PCDHB9: variants seen among roughly 807,000 people sequenced by gnomAD.
PCDHB9 encodes the protein protocadherin beta 9.
For missense variants in PCDHB9, 1,072 were observed against 995.1 expected, an observed-to-expected ratio of 1.08 and a Z score of -1.04; for synonymous variants, 501 against 439.7, an observed-to-expected ratio of 1.14 and a Z score of -1.75.
rs1242583274 is a variant in PCDHB9, at chr5:141,189,145, C to T, written c.1827C>T (p.Ala609=). The T allele has an allele frequency of 6.2e-7, 1 of 1,601,190 alleles. No individual in the cohort carries two copies. The highest frequency in any genetic ancestry group is 8.5e-7 in the Non-Finnish European group (1 of 1,178,866). Residue 609 remains alanine, a synonymous_variant, in exon 1 of 1, where the codon GCC becomes GCT. Transcript: ENST00000316105. ...NAWLSYQLLK[A]TEPGLFGVWA... is the part of the protein sequence containing the mutation. ...GGCTGTCGTACCAGCTGCTCAAGGC[C>T]ACGGAGCCCGGGCTGTTCGGTGTGT...
Position 141,188,274 on chromosome 5 carries a change from T to C in PCDHB9, c.956T>C (p.Ile319Thr). 2 of 1,614,102 alleles carry C rather than the reference T, an allele frequency of 1.2e-6. No individual in the cohort carries two copies. The highest frequency in any genetic ancestry group is 8.5e-7 in the Non-Finnish European group (1 of 1,180,002). The part of the protein sequence containing the change: ...YELVNSYKIN[I>T]QAMDGGGLSA... ...TTAGTAAATTCTTACAAAATAAATA[T>C]ACAGGCAATGGACGGCGGAGGCCTT... is the stretch of plus-strand genomic sequence containing the variant. The change falls in exon 1 of 1, where the codon ATA (isoleucine) becomes ACA (threonine). Residue 319 changes from isoleucine (I) to threonine (T), a missense_variant. Transcript: ENST00000316105.
Position 141,188,570 on chromosome 5 carries a change from A to G in PCDHB9, c.1252A>G (p.Asn418Asp). The G allele has an allele frequency of 1.2e-6, 2 of 1,614,212 alleles. No individual in the cohort carries two copies. The highest frequency in any genetic ancestry group is 1.7e-6 in the Non-Finnish European group (2 of 1,180,034). ...GGACAGAGAGAGCAAAGCTGAGTAC[A>G]ACATCACCATCACCGTCACTGACTT... ...ALDRESKAEY[N>D]ITITVTDLGT... The change falls in exon 1 of 1, where the codon AAC becomes GAC. Residue 418 changes from asparagine to aspartate, a missense_variant. Transcript: ENST00000316105.
chr5:141,188,808 A>G lies in PCDHB9; in HGVS notation c.1490A>G (p.His497Arg). Reference protein sequence around the residue: ...TYSLLPPQDPHLPLASLVSIN... With the variant: ...TYSLLPPQDPRLPLASLVSIN... ...TCGCTGCTGCCGCCCCAGGACCCAC[A>G]CCTGCCCCTCGCCTCCCTGGTCTCC... The change falls in exon 1 of 1, where the codon CAC (histidine) becomes CGC (arginine). Residue 497 changes from histidine to arginine, a missense_variant. By Grantham distance (29) the His-to-Arg change is conservative. Transcript: ENST00000316105. The G allele has an allele frequency of 6.2e-7, 1 of 1,612,790 alleles. No individual in the cohort carries two copies. Among genetic ancestry groups the G allele is most frequent in the Non-Finnish European group, 8.5e-7 (1 of 1,179,992 alleles).
chr5:141,189,669 AG>A lies in PCDHB9; in HGVS notation c.2353del (p.Glu785LysfsTer33). ...CCCCATAGGGGTGGGAAAGAAATAG[AG>A]GAAAATTCTACTCTCCCCAATAGCT... is the stretch of plus-strand genomic sequence containing the variant. ...LPPHRGGKEI[E>X]ENSTLPNSFG... On this transcript the variant is annotated frameshift_variant, in exon 1 of 1. Transcript: ENST00000316105. LOFTEE classifies it low-confidence loss of function (END_TRUNC). The A allele has an allele frequency of 1.2e-6, 2 of 1,611,722 alleles. No individual in the cohort carries two copies. Among genetic ancestry groups the A allele is most frequent in the East Asian group, 4.5e-5 (2 of 44,850 alleles).
At position 141,189,441 on chromosome 5, in the gene PCDHB9, T is replaced by C; in HGVS notation, c.2123T>C (p.Phe708Ser). The C allele has an allele frequency of 1.2e-6, 2 of 1,612,192 alleles. No homozygotes were observed. ...SSLFLLSVLL[F>S]VAVRLCRRSR... The stretch of plus-strand genomic sequence containing the variant: ...CTCTTCCTCCTCTCGGTGCTCCTGT[T>C]CGTGGCGGTGCGGCTGTGCAGGAGG... Residue 708 changes from phenylalanine (F) to serine (S), a missense_variant, in exon 1 of 1, where the codon TTC becomes TCC. Coordinates refer to ENST00000316105, the MANE Select transcript of PCDHB9 (RefSeq NM_019119.5).
In PCDHB9 at chr5:141,187,391, T is replaced by C. The variant is rs2149664269; in HGVS notation, c.73T>C (p.Leu25=). The C allele has an allele frequency of 6.2e-7, 1 of 1,614,160 alleles. No homozygotes were observed. The highest frequency in any genetic ancestry group is 2.2e-5 in the East Asian group (1 of 44,884). Reference sequence around the variant, plus strand: ...TCTTTTTCTTTTCTGGGGAGTGTCCTTGGCAGGTTCTGGGTTTGGACGTTA... The same window carrying C: ...TCTTTTTCTTTTCTGGGGAGTGTCCCTGGCAGGTTCTGGGTTTGGACGTTA... ...LFLFLFWGVS[L]AGSGFGRYSV... is the part of the protein sequence containing the mutation. The change falls in exon 1 of 1, where the codon TTG becomes CTG. Residue 25 remains leucine, a synonymous_variant. Transcript: ENST00000316105.
Position 141,188,488 on chromosome 5 carries a change from T to G in PCDHB9, c.1170T>G (p.Pro390=). The change falls in exon 1 of 1, where the codon CCT becomes CCG. Residue 390 remains proline (P), a synonymous_variant. Coordinates refer to ENST00000316105, the MANE Select transcript of PCDHB9 (RefSeq NM_019119.5). ...TTTGCTATGTTCAAGATAATCTGCC[T>G]TTTTTTCTGAAACCGTCTGTTGACA... ...KTICYVQDNL[P]FFLKPSVDNF... is the part of the protein sequence containing the mutation. 6.2e-7 allele frequency: 1 copy of G among 1,613,068 alleles called. No homozygotes were observed. Among genetic ancestry groups the G allele is most frequent in the Non-Finnish European group, 8.5e-7 (1 of 1,179,168 alleles).
At position 141,189,660 on chromosome 5, in the gene PCDHB9, A is replaced by G; in HGVS notation, c.2342A>G (p.Lys781Arg). ...CACCTCCCGCCCCATAGGGGTGGGA[A>G]AGAAATAGAGGAAAATTCTACTCTC... ...TPHLPPHRGG[K>R]EIEENSTLPN... The change falls in exon 1 of 1, where the codon AAA (lysine) becomes AGA (arginine). Residue 781 changes from lysine to arginine, a missense_variant. Physicochemically the swap from Lys to Arg is conservative, Grantham distance 26 (BLOSUM62 2). Coordinates refer to ENST00000316105, the MANE Select transcript of PCDHB9 (RefSeq NM_019119.5). 6.2e-7 allele frequency: 1 copy of G among 1,612,858 alleles called. No homozygotes were observed. Among genetic ancestry groups the G allele is most frequent in the Non-Finnish European group, 8.5e-7 (1 of 1,179,450 alleles).
At position 141,187,361 on chromosome 5, in the gene PCDHB9, C is replaced by T; in HGVS notation, c.43C>T (p.Leu15=). The T allele has an allele frequency of 5.0e-6, 8 of 1,614,146 alleles. No homozygotes were observed. Among genetic ancestry groups the T allele is most frequent in the Non-Finnish European group, 6.8e-6 (8 of 1,180,034 alleles). Reference sequence around the variant, plus strand: ...CAGCTTTCCAAGACAAAGGCAAGTCCTGTTTCTTTTTCTTTTCTGGGGAGT... The same window carrying T: ...CAGCTTTCCAAGACAAAGGCAAGTCTTGTTTCTTTTTCTTTTCTGGGGAGT... The part of the protein sequence containing the change: ...GFSFPRQRQV[L]FLFLFWGVSL... Residue 15 remains leucine, a synonymous_variant, in exon 1 of 1, where the codon CTG becomes TTG. Transcript: ENST00000316105.
rs542462731 is a variant in PCDHB9, at chr5:141,189,505, G to T, written c.2187G>T (p.Glu729Asp). ...AASVGRCSVP[E>D]GPFPGHLVDV... The stretch of plus-strand genomic sequence containing the variant: ...CGGTGGGTCGCTGCTCGGTGCCCGA[G>T]GGTCCTTTTCCAGGGCATCTGGTGG... The change falls in exon 1 of 1, where the codon GAG (glutamate) becomes GAT (aspartate). Residue 729 changes from glutamate to aspartate, a missense_variant. Physicochemically the swap from Glu to Asp is conservative, Grantham distance 45. Transcript: ENST00000316105. The T allele has an allele frequency of 1.2e-6, 2 of 1,613,852 alleles. No homozygotes were observed. Among genetic ancestry groups the T allele is most frequent in the African/African-American group, 2.7e-5 (2 of 74,906 alleles).
rs367586659 is a variant in PCDHB9, at chr5:141,188,121, A to G, written c.803A>G (p.Asp268Gly). The change falls in exon 1 of 1, where the codon GAT becomes GGT. Residue 268 changes from aspartate (D) to glycine (G), a missense_variant. Transcript: ENST00000316105. ...CTTATTGTTAAAGTGTCTGCAGGAG[A>G]TGCAGACTCAGGAGTCAATGCAGAA... ...GSLIVKVSAG[D>G]ADSGVNAEVS... is the part of the protein sequence containing the mutation. 7.4e-6 allele frequency: 12 copies of G among 1,612,914 alleles called. No individual in the cohort carries two copies. The highest frequency in any genetic ancestry group is 1.0e-5 in the Non-Finnish European group (12 of 1,179,340).
chr5:141,189,656 G>C lies in PCDHB9; in HGVS notation c.2338G>C (p.Gly780Arg). ...ITPHLPPHRG[G>R]KEIEENSTLP... ...CCCCCACCTCCCGCCCCATAGGGGTGGGAAAGAAATAGAGGAAAATTCTAC... is the reference window on the plus strand; with the variant it reads ...CCCCCACCTCCCGCCCCATAGGGGTCGGAAAGAAATAGAGGAAAATTCTAC... The change falls in exon 1 of 1, where the codon GGG becomes CGG. Residue 780 changes from glycine (G) to arginine (R), a missense_variant. By Grantham distance (125) the Gly-to-Arg change is moderately radical. Coordinates refer to ENST00000316105, the MANE Select transcript of PCDHB9 (RefSeq NM_019119.5). The C allele has an allele frequency of 6.2e-7, 1 of 1,613,338 alleles. No homozygotes were observed. Among genetic ancestry groups the C allele is most frequent in the Non-Finnish European group, 8.5e-7 (1 of 1,179,642 alleles).
chr5:141,187,897 G>A lies in PCDHB9; in HGVS notation c.579G>A (p.Glu193=), dbSNP rs1176773646. The change falls in exon 1 of 1, where the codon GAG becomes GAA. Residue 193 remains glutamate, a synonymous_variant. Coordinates refer to ENST00000316105, the MANE Select transcript of PCDHB9 (RefSeq NM_019119.5). ...SGSDEGMIYP[E]LVLDKALDRE... ...GTGATGAAGGCATGATATATCCAGA[G>A]CTAGTGTTGGACAAAGCACTGGATC... is the stretch of plus-strand genomic sequence containing the variant. The A allele has an allele frequency of 4.3e-6, 7 of 1,614,158 alleles. No homozygotes were observed. Among genetic ancestry groups the A allele is most frequent in the Non-Finnish European group, 5.9e-6 (7 of 1,180,032 alleles).
Position 141,189,434 on chromosome 5 carries a change from C to T in PCDHB9, c.2116C>T (p.Leu706Phe), listed in dbSNP as rs373258602. The T allele has an allele frequency of 3.7e-6, 6 of 1,611,918 alleles. No homozygotes were observed. The highest frequency in any genetic ancestry group is 2.7e-5 in the African/African-American group (2 of 74,864). ...GTCTTCGCTCTTCCTCCTCTCGGTG[C>T]TCCTGTTCGTGGCGGTGCGGCTGTG... Reference protein sequence around the residue: ...SVSSLFLLSVLLFVAVRLCRR... With the variant: ...SVSSLFLLSVFLFVAVRLCRR... The change falls in exon 1 of 1, where the codon CTC (leucine) becomes TTC (phenylalanine). Residue 706 changes from leucine (L) to phenylalanine (F), a missense_variant. Coordinates refer to ENST00000316105, the MANE Select transcript of PCDHB9 (RefSeq NM_019119.5).
chr5:141,187,913 G>C lies in PCDHB9; in HGVS notation c.595G>C (p.Ala199Pro). Residue 199 changes from alanine to proline, a missense_variant, in exon 1 of 1, where the codon GCA becomes CCA. Physicochemically the swap from Ala to Pro is conservative, Grantham distance 27. Coordinates refer to ENST00000316105, the MANE Select transcript of PCDHB9 (RefSeq NM_019119.5). ...ATATCCAGAGCTAGTGTTGGACAAA[G>C]CACTGGATCGGGAGGAGCAGGAAGA... ...MIYPELVLDK[A>P]LDREEQEELS... 1 of 1,614,166 alleles carries C rather than the reference G, an allele frequency of 6.2e-7. No homozygotes were observed. The highest frequency in any genetic ancestry group is 8.5e-7 in the Non-Finnish European group (1 of 1,180,024).
chr5:141,188,714 C>T lies in PCDHB9; in HGVS notation c.1396C>T (p.Pro466Ser), dbSNP rs782488130. 1 of 1,613,736 alleles carries T rather than the reference C, an allele frequency of 6.2e-7. No homozygotes were observed. The highest frequency in any genetic ancestry group is 8.5e-7 in the Non-Finnish European group (1 of 1,180,036). ...CCTGTTCGTCCGGGAGAACAACAGC[C>T]CCGCCCTGCACATCGGCAGTGTCAG... The part of the protein sequence containing the change: ...YTLFVRENNS[P>S]ALHIGSVSAT... Residue 466 changes from proline to serine, a missense_variant, in exon 1 of 1, where the codon CCC becomes TCC. Physicochemically the swap from Pro to Ser is moderately conservative, Grantham distance 74. Transcript: ENST00000316105.
At position 141,188,156 on chromosome 5, in the gene PCDHB9, T is replaced by C; in HGVS notation, c.838T>C (p.Ser280Pro). ...DSGVNAEVSY[S>P]FFDASEDILT... ...AGGAGTCAATGCAGAAGTATCCTATTCATTTTTTGATGCTTCTGAAGATAT... is the reference window on the plus strand; with the variant it reads ...AGGAGTCAATGCAGAAGTATCCTATCCATTTTTTGATGCTTCTGAAGATAT... The change falls in exon 1 of 1, where the codon TCA (serine) becomes CCA (proline). Residue 280 changes from serine to proline, a missense_variant. Physicochemically the swap from Ser to Pro is moderately conservative, Grantham distance 74. Coordinates refer to ENST00000316105, the MANE Select transcript of PCDHB9 (RefSeq NM_019119.5). 6.2e-7 allele frequency: 1 copy of C among 1,611,078 alleles called. No individual in the cohort carries two copies. Among genetic ancestry groups the C allele is most frequent in the South Asian group, 1.1e-5 (1 of 90,782 alleles).
rs1753803315 is a variant in PCDHB9, at chr5:141,188,620, G to A, written c.1302G>A (p.Glu434=). ...TGGGGACACCCAGGCTGAAAACCGAGCACAGCATAACCCTGCAGGTCTCCG... is the reference window on the plus strand; with the variant it reads ...TGGGGACACCCAGGCTGAAAACCGAACACAGCATAACCCTGCAGGTCTCCG... ...TDLGTPRLKT[E]HSITLQVSDV... is the part of the protein sequence containing the mutation. Residue 434 remains glutamate (E), a synonymous_variant, in exon 1 of 1, where the codon GAG becomes GAA. Transcript: ENST00000316105. 5 of 1,614,032 alleles carry A rather than the reference G, an allele frequency of 3.1e-6. No individual in the cohort carries two copies. The highest frequency in any genetic ancestry group is 4.2e-6 in the Non-Finnish European group (5 of 1,180,048).
chr5:141,190,182 G>GTTTTTTTT lies in PCDHB9; in HGVS notation c.*477_*484dup, dbSNP rs368429004. The GTTTTTTTT allele has an allele frequency of 7.2e-6, 1 of 139,572 alleles. No homozygotes were observed. Among genetic ancestry groups the GTTTTTTTT allele is most frequent in the Non-Finnish European group, 1.5e-5 (1 of 65,220 alleles). 8.6% of individuals were successfully genotyped at this position (139,572 alleles called of 1,614,324 possible). ...TGTTTGTTTGTTTTTTGGTTTGTTT[G>GTTTTTTTT]TTTTTTTTTTTTTTGAGACGGAGTC... is the stretch of plus-strand genomic sequence containing the variant. On this transcript the variant is annotated 3_prime_UTR_variant, in exon 1 of 1. Coordinates refer to ENST00000316105, the MANE Select transcript of PCDHB9 (RefSeq NM_019119.5).
Sources: allele counts gnomAD v4.1 joint callset, GRCh38; gene constraint gnomAD v4.1.1; transcripts MANE v1.5; gene names NCBI Gene and HGNC (gene_info 2026-07-23, HGNC 2026-07-21).